The following CRYL1 variants were observed in gnomAD, a reference collection of about 807,000 sequenced individuals.
CRYL1 encodes the protein lambda-crystallin homolog.
In CRYL1, 29 loss-of-function variants were observed where a neutral mutation model predicts 36.6. The observed-to-expected ratio is 0.79, with a 90% CI of 0.59 to 1.08. The LOEUF is 1.08. Among genes scored for constraint, CRYL1 ranks in the 50% least tolerant of loss-of-function variants. The pLI is 0.00. For synonymous variants in CRYL1, 152 were observed against 151.5 expected, an observed-to-expected ratio of 1.00 and a Z score of -0.02; for missense variants, 411 against 407.9, an observed-to-expected ratio of 1.01 and a Z score of -0.06.
At chr13:20,446,269 G>A (rs1321239836) in intron 3 of CRYL1, among the ~76,000 whole-genome samples, 2 of 152,104 alleles carry the variant, frequency 1.3e-5, no homozygotes, top group African/African-American at 2.4e-5. Context: ...GTGCCACCAT[G>A]CCTGGCTAAT....
chr13:20,420,560 A>G (rs966536598), intron 5 of CRYL1, among the ~76,000 whole-genome samples: 1 of 152,090 alleles, frequency 6.6e-6, no homozygotes, highest in Non-Finnish European at 1.5e-5. Context: ...AATATCATAA[A>G]GCCATTAAGA....
Position 20,404,189 on chromosome 13 carries a change from C to A in CRYL1, c.900G>T (p.Gln300His), listed in dbSNP as rs1321545775. ...DDPEHLAARR[Q>H]WRDECLMRLA... is the part of the protein sequence containing the mutation. ...GTCTCATGAGGCACTCGTCCCTCCACTGCCTCCTGGCAGCTAAGTGCTCCG... is the reference window on the plus strand; with the variant it reads ...GTCTCATGAGGCACTCGTCCCTCCAATGCCTCCTGGCAGCTAAGTGCTCCG... Residue 300 changes from glutamine to histidine, a missense_variant, in exon 8 of 8, where the codon CAG (glutamine) becomes CAT (histidine). Gln to His is a conservative substitution (Grantham distance 24). Transcript: ENST00000298248. The A allele has an allele frequency of 3.7e-6, 6 of 1,614,146 alleles. No homozygotes were observed. Among genetic ancestry groups the A allele is most frequent in the Middle Eastern group, 3.3e-4 (2 of 6,060 alleles).
intron 3 of CRYL1, among the ~76,000 whole-genome samples, chr13:20,453,284 T>C (rs2137420336): frequency 6.6e-6 from 1 of 152,278 alleles, no homozygotes; most frequent in East Asian, 1.9e-4. Flanking sequence ...TGGAAGTCTA[T>C]GAGAAAAGAA....
rs148928260 is a variant in CRYL1 at position 20,405,506 on chromosome 13, A to G, written c.740-765T>C. ...CAGATCTCAGGTAAACCTGTCACTT[A>G]TGTCACTGTTAGACCACAGATCTCA... On this transcript the variant is annotated intron_variant, in intron 6 of 7. Transcript: ENST00000298248. 3.5e-3 allele frequency among the ~76,000 whole-genome samples: 526 copies of G among 152,354 alleles called. 4 individuals are homozygous for G. Among genetic ancestry groups the G allele is most frequent in the African/African-American group, 0.012 (501 of 41,578 alleles).
chr13:20,487,458 A>G (rs2137469956), intron 3 of CRYL1, among the ~76,000 whole-genome samples: 1 of 152,318 alleles, frequency 6.6e-6, no homozygotes, highest in African/African-American at 2.4e-5. Context: ...GTTCAGAGAG[A>G]CTCAAAAAGT....
At chr13:20,498,730 CAAAT>C (rs774388506) in intron 2 of CRYL1, among the ~76,000 whole-genome samples, 2 of 151,926 alleles carry the variant, frequency 1.3e-5, no homozygotes, top group Non-Finnish European at 2.9e-5. Context: ...CAGAAGAAAA[CAAAT>C]AGAGGGAAGG....
Position 20,403,867 on chromosome 13 carries a change from A to G in CRYL1, c.*262T>C, listed in dbSNP as rs7165. On this transcript the variant is annotated 3_prime_UTR_variant, in exon 8 of 8. Coordinates refer to ENST00000298248, the MANE Select transcript of CRYL1 (RefSeq NM_015974.3). ...GCAATCAAGCTGAAAAGAAAAGGTG[A>G]AAATCTCCAGGTTATCTGCCCAGGT... 0.72 allele frequency: 224,042 copies of G among 310,574 alleles called. 81,618 individuals are homozygous for G. Among genetic ancestry groups the G allele is most frequent in the South Asian group, 0.76 (6,486 of 8,562 alleles). The allele number at this position is 310,574 out of a possible 1,614,324, so 19.2% of individuals were successfully genotyped here.
intron 1 of CRYL1, among the ~76,000 whole-genome samples, chr13:20,524,174 G>C (rs900619596): frequency 1.3e-5 from 2 of 152,206 alleles, no homozygotes; most frequent in Non-Finnish European, 2.9e-5. Flanking sequence ...GATCCACCAT[G>C]ATAGTGCCAC....
rs571526954 is a variant in CRYL1 at position 20,415,527 on chromosome 13, C to CGGGGAG, written c.634-2141_634-2140insCTCCCC. 1.5e-3 allele frequency among the ~76,000 whole-genome samples: 228 copies of CGGGGAG among 152,300 alleles called. 1 individual carries two copies. The highest frequency in any genetic ancestry group is 0.014 in the Admixed American group (214 of 15,306). ...AGGACGGCCACAGCCACGCCACCAC[C>CGGGGAG]GGCGAGGGCGAGGGCCAGGGCCACT... is the stretch of plus-strand genomic sequence containing the variant. On this transcript the variant is annotated intron_variant, in intron 5 of 7. Coordinates refer to ENST00000298248, the MANE Select transcript of CRYL1 (RefSeq NM_015974.3). The surrounding 1 kb of genome is among the most constrained non-coding windows in gnomAD (Gnocchi z 4.1).
chr13:20,462,565 G>A (rs1340453307), intron 3 of CRYL1, among the ~76,000 whole-genome samples: 1 of 149,890 alleles, frequency 6.7e-6, no homozygotes, highest in African/African-American at 2.5e-5. Context: ...CTAAGTAGTT[G>A]TTTCACTCTT....
intron 2 of CRYL1, among the ~76,000 whole-genome samples, chr13:20,511,016 G>A (rs2033906253): frequency 6.6e-6 from 1 of 152,098 alleles, no homozygotes; most frequent in African/African-American, 2.4e-5. Context: ...TTCCAAAACA[G>A]TACAGTCTAT....
chr13:20,420,700 G>GTTT (rs5802072), intron 5 of CRYL1, among the ~76,000 whole-genome samples: 2,373 of 36,452 alleles, frequency 0.065, 632 homozygotes, highest in African/African-American at 0.078. Flanking sequence ...TAAAATAGAG[G>GTTT]TTGTGTGTGT....
chr13:20,508,521 C>G (rs1321180168), intron 2 of CRYL1, among the ~76,000 whole-genome samples: 1 of 152,030 alleles, frequency 6.6e-6, no homozygotes, highest in Admixed American at 6.6e-5. Flanking sequence ...AAATATTAAG[C>G]TGTTTGTGTT....
intron 6 of CRYL1, among the ~76,000 whole-genome samples, chr13:20,407,176 AC>A (rs1009520061): frequency 6.6e-6 from 1 of 151,478 alleles, no homozygotes; most frequent in Non-Finnish European, 1.5e-5. Flanking sequence ...TATTCAGGAA[AC>A]CCTTTAAAAT....
intron 3 of CRYL1, among the ~76,000 whole-genome samples, chr13:20,459,916 G>T (rs777563014): frequency 6.6e-6 from 1 of 152,200 alleles, no homozygotes; most frequent in Non-Finnish European, 1.5e-5. Context: ...AAAATTATCT[G>T]AAGTAGAAAG....
At chr13:20,507,980 A>G (rs2033834365) in intron 2 of CRYL1, among the ~76,000 whole-genome samples, 1 of 151,620 alleles carries the variant, frequency 6.6e-6, no homozygotes, top group Non-Finnish European at 1.5e-5. Context: ...GTGGTTCACA[A>G]CTGTAATCCC....
chr13:20,507,905 A>G (rs901990623), intron 2 of CRYL1, among the ~76,000 whole-genome samples: 12 of 148,476 alleles, frequency 8.1e-5, no homozygotes, highest in East Asian at 2.0e-4. Context: ...GCAACAGAGC[A>G]AGACTTTTCA....
At chr13:20,514,354 C>T (rs1455050868) in intron 1 of CRYL1, among the ~76,000 whole-genome samples, 1 of 152,238 alleles carries the variant, frequency 6.6e-6, no homozygotes, top group African/African-American at 2.4e-5. Context: ...TCCCTGTGGT[C>T]TTCCTCCCCA....
At chr13:20,449,004 T>C (rs1001848854) in intron 3 of CRYL1, among the ~76,000 whole-genome samples, 2 of 152,022 alleles carry the variant, frequency 1.3e-5, no homozygotes, top group Non-Finnish European at 2.9e-5. Context: ...CCTGTCTCTA[T>C]GAAAAATACA....
Sources: allele counts gnomAD v4.1 joint callset (sites outside exome capture counted in the v4.1 genomes callset), GRCh38; gene constraint gnomAD v4.1.1; non-coding constraint Gnocchi (gnomAD v3.1); transcripts MANE v1.5; gene names NCBI Gene and HGNC (gene_info 2026-07-23, HGNC 2026-07-21).